SRGAP3: variants seen among roughly 807,000 people sequenced by gnomAD.
SRGAP3 encodes the protein SLIT-ROBO Rho GTPase-activating protein 3.
SRGAP3 carries 39 observed loss-of-function variants against 121.1 expected under a neutral mutation model. That is an observed-to-expected ratio of 0.32 (90% CI 0.25 to 0.42). The LOEUF (loss-of-function observed/expected upper bound fraction) is 0.42, where lower values mean the gene tolerates loss of function less well. SRGAP3 is among the 10% of genes least tolerant of loss of function. The probability of loss-of-function intolerance (pLI) is 1.00; values close to 1 mark genes in which losing one functional copy is unlikely to be tolerated. For synonymous variants in SRGAP3, 601 were observed against 570.0 expected (o/e 1.05, Z -0.77); for missense variants, 1,213 against 1,470.6 (o/e 0.82, Z 2.86).
At chr3:9,086,510 AC>A (rs1947477719) in intron 3 of SRGAP3, among the ~76,000 whole-genome samples, 1 of 127,500 alleles carries the variant, frequency 7.8e-6, no homozygotes, top group South Asian at 2.6e-4. Flanking sequence ...ACAGAATGAG[AC>A]TGTTTCAAAA....
intron 14 of SRGAP3, among the ~76,000 whole-genome samples, chr3:9,018,229 C>G (rs1438689418): frequency 6.6e-6 from 1 of 152,160 alleles, no homozygotes; most frequent in Non-Finnish European, 1.5e-5. Context: ...ATATTATACA[C>G]TACATTTTCT....
At chr3:9,269,985 C>T (rs1954441903) in intron 3 of SRGAP3, among the ~76,000 whole-genome samples, 1 of 152,112 alleles carries the variant, frequency 6.6e-6, no homozygotes, top group Admixed American at 6.5e-5. Flanking sequence ...GTGTCAGGAA[C>T]ATCTGGAGGG....
intron 3 of SRGAP3, among the ~76,000 whole-genome samples, chr3:9,312,348 A>G (rs906403215): frequency 1.2e-4 from 19 of 152,098 alleles, no homozygotes; most frequent in African/African-American, 4.6e-4. Context: ...GTAGAGACGG[A>G]GTTTCACCAT....
chr3:9,074,013 TTTA>T (rs1468884564), intron 4 of SRGAP3, among the ~76,000 whole-genome samples: 1 of 152,240 alleles, frequency 6.6e-6, no homozygotes, highest in Admixed American at 6.5e-5. Context: ...GTCTTATTTT[TTTA>T]ACCAAGTGTA....
At chr3:9,209,888 T>C (rs1345913891) in intron 1 of SRGAP3, among the ~76,000 whole-genome samples, 1 of 152,086 alleles carries the variant, frequency 6.6e-6, no homozygotes, top group Non-Finnish European at 1.5e-5. Context: ...CTGGAAACAA[T>C]CCAAATGTCT....
intron 1 of SRGAP3, among the ~76,000 whole-genome samples, chr3:9,136,667 G>A (rs61324981): frequency 0.032 from 4,860 of 152,238 alleles, 238 homozygotes; most frequent in African/African-American, 0.11. Context: ...TGGGTGTCCC[G>A]CCCTTTTACA....
At position 9,047,425 on chromosome 3, in the gene SRGAP3, G is replaced by T; in HGVS notation, c.1374C>A (p.Ala458=). 6.2e-7 allele frequency: 1 copy of T among 1,614,132 alleles called. No individual in the cohort carries two copies. Among genetic ancestry groups the T allele is most frequent in the Non-Finnish European group, 8.5e-7 (1 of 1,180,038 alleles). The stretch of plus-strand genomic sequence containing the variant: ...GGGTCTGCTTGAGTAAATCGTGCTT[G>T]GCCTGCAGCTTGGTGATGAGGTTAC... ...NGSNLITKLQ[A]KHDLLKQTLG... is the part of the protein sequence containing the mutation. Residue 458 remains alanine (A), a synonymous_variant, in exon 10 of 22, where the codon GCC becomes GCA. Transcript: ENST00000383836.
chr3:9,101,987 C>T (rs939501649), intron 3 of SRGAP3, among the ~76,000 whole-genome samples: 3 of 152,232 alleles, frequency 2.0e-5, no homozygotes, highest in Non-Finnish European at 4.4e-5. Context: ...AAACCACCTC[C>T]CGCATCAGTG....
intron 1 of SRGAP3, among the ~76,000 whole-genome samples, chr3:9,188,076 C>CA (rs1420546491): frequency 6.6e-6 from 1 of 151,988 alleles, no homozygotes; most frequent in Non-Finnish European, 1.5e-5. Flanking sequence ...ACAGTGATCA[C>CA]AAAAAGCAAG....
intron 3 of SRGAP3, among the ~76,000 whole-genome samples, chr3:9,101,475 C>T (rs1236170674): frequency 6.6e-6 from 1 of 152,198 alleles, no homozygotes; most frequent in African/African-American, 2.4e-5. Context: ...AATCACAGAC[C>T]AAAATATCCC....
chr3:9,290,239 C>T (rs1021749314), intron 3 of SRGAP3, among the ~76,000 whole-genome samples: 2 of 152,082 alleles, frequency 1.3e-5, no homozygotes, highest in Non-Finnish European at 2.9e-5. Flanking sequence ...AGCTCACTAA[C>T]ATATTTTTAA....
chr3:9,292,473 C>G, intron 3 of SRGAP3: 1 of 152,184 alleles, frequency 6.6e-6, no homozygotes, highest in East Asian at 1.9e-4. Context: ...TATTGTCCAT[C>G]TCATTGATTC....
chr3:9,361,277 C>A (rs1183665348), intron 1 of SRGAP3, among the ~76,000 whole-genome samples: 1 of 151,894 alleles, frequency 6.6e-6, no homozygotes, highest in Non-Finnish European at 1.5e-5. Context: ...TAATTTTTGT[C>A]ATTTTTTTGT....
chr3:9,256,172 G>T (rs1220740875), intron 3 of SRGAP3, among the ~76,000 whole-genome samples: 1 of 151,472 alleles, frequency 6.6e-6, no homozygotes, highest in Non-Finnish European at 1.5e-5. Context: ...TCACGGAGCT[G>T]CTGGGCAATG....
intron 1 of SRGAP3, among the ~76,000 whole-genome samples, chr3:9,141,743 G>C (rs1415352206): frequency 2.0e-5 from 3 of 152,126 alleles, no homozygotes; most frequent in Non-Finnish European, 4.4e-5. Flanking sequence ...CATTTTTATG[G>C]TGCACATCAA....
At chr3:9,213,963 T>C (rs1288504699) in intron 1 of SRGAP3, among the ~76,000 whole-genome samples, 2 of 152,304 alleles carry the variant, frequency 1.3e-5, no homozygotes, top group East Asian at 3.9e-4. Flanking sequence ...GTTTCCTGAT[T>C]TCTCATCAGG....
chr3:9,217,915 C>T (rs1325314371), intron 1 of SRGAP3: 1 of 152,106 alleles, frequency 6.6e-6, no homozygotes, highest in Non-Finnish European at 1.5e-5. Context: ...ATCTTGCCCC[C>T]ACTGCATCTG....
intron 1 of SRGAP3, chr3:9,348,552 A>G (rs1955948624): frequency 1.3e-6 from 1 of 776,612 alleles, no homozygotes; most frequent in South Asian, 1.3e-5. Flanking sequence ...GGCCATAAGG[A>G]GGCGAAGTGT....
intron 1 of SRGAP3, among the ~76,000 whole-genome samples, chr3:9,342,711 T>A (rs1284590743): frequency 6.6e-6 from 1 of 152,132 alleles, no homozygotes; most frequent in Non-Finnish European, 1.5e-5. Context: ...TGCCTTTACT[T>A]AGACTCTTGA....
Sources: gnomAD v4.1 joint callset for allele counts (sites outside exome capture counted in the v4.1 genomes callset) on GRCh38, gnomAD v4.1.1 for gene constraint, MANE v1.5 for transcripts, NCBI Gene and HGNC (gene_info 2026-07-23, HGNC 2026-07-21) for gene names.